Variants in ABHD12 observed in about 807,000 individuals in gnomAD.
ABHD12 encodes the protein lysophosphatidylserine lipase ABHD12.
In ABHD12, 43 loss-of-function variants were observed where a neutral mutation model predicts 58.3. The observed-to-expected ratio is 0.74, with a 90% CI of 0.58 to 0.95. ABHD12 has a LOEUF of 0.95. ABHD12 is among the 40% of genes least tolerant of loss of function. The pLI is 0.00. For missense variants in ABHD12, 539 were observed against 537.2 expected (o/e 1.00, Z -0.03); for synonymous variants, 219 against 211.2 (o/e 1.04, Z -0.32).
rs556423282 is a variant in ABHD12 at position 25,374,646 on chromosome 20, A to C, written c.191+15867T>G. On this transcript the variant is annotated intron_variant, in intron 1 of 12. Transcript: ENST00000339157. ...GTAGCTGGGATTACAGGCATGTGCCACCACACCCGGCTAATTTTGTAATTT... is the reference window on the plus strand; with the variant it reads ...GTAGCTGGGATTACAGGCATGTGCCCCCACACCCGGCTAATTTTGTAATTT... 1.1e-4 allele frequency among the ~76,000 whole-genome samples: 16 copies of C among 152,280 alleles called. No homozygotes were observed. The South Asian group carries it at 3.3e-3, about 32-fold the overall frequency.
intron 2 of ABHD12, among the ~76,000 whole-genome samples, chr20:25,330,889 C>A (rs1326102152): frequency 1.3e-5 from 2 of 152,208 alleles, no homozygotes; most frequent in African/African-American, 4.8e-5. Flanking sequence ...AAACTGGAAA[C>A]TCTATAAAGC....
intron 1 of ABHD12, among the ~76,000 whole-genome samples, chr20:25,360,428 A>G (rs1241280907): frequency 6.6e-6 from 1 of 151,438 alleles, no homozygotes; most frequent in Non-Finnish European, 1.5e-5. Flanking sequence ...TTTAGTAGAG[A>G]CAGGGTTTCA....
chr20:25,295,646 G>A (rs370255848), downstream of ABHD12: 17 of 1,613,976 alleles, frequency 1.1e-5, no homozygotes, highest in Non-Finnish European at 1.4e-5. Flanking sequence ...TGCAGTGCCA[G>A]GCACAGGTGG....
chr20:25,341,177 A>G (rs1207380579), intron 1 of ABHD12, among the ~76,000 whole-genome samples: 1 of 152,192 alleles, frequency 6.6e-6, no homozygotes, highest in Non-Finnish European at 1.5e-5. Context: ...TGGCGCCCGC[A>G]CTTGTGCTGT....
intron 1 of ABHD12, among the ~76,000 whole-genome samples, chr20:25,375,948 C>G (rs2089957548): frequency 6.6e-6 from 1 of 152,040 alleles, no homozygotes; most frequent in Non-Finnish European, 1.5e-5. Flanking sequence ...CGGTGAAACC[C>G]CGTCTCTACT....
downstream of ABHD12, among the ~76,000 whole-genome samples, chr20:25,299,743 G>T (rs1170387950): frequency 6.6e-6 from 1 of 152,194 alleles, no homozygotes; most frequent in Non-Finnish European, 1.5e-5. Flanking sequence ...CCCAACCCTG[G>T]GGCAGGTGGT....
At chr20:25,389,611 TC>T (rs1461388601) in intron 1 of ABHD12, among the ~76,000 whole-genome samples, 1 of 152,122 alleles carries the variant, frequency 6.6e-6, no homozygotes. Flanking sequence ...GAGAAATCTG[TC>T]CCTATGAAAC....
At chr20:25,375,811 C>A (rs1406739032) in intron 1 of ABHD12, among the ~76,000 whole-genome samples, 1 of 152,028 alleles carries the variant, frequency 6.6e-6, no homozygotes, top group Non-Finnish European at 1.5e-5. Context: ...AGTGGAAGTT[C>A]TATGTTTCTT....
At chr20:25,317,220 C>T (rs1234802635) in intron 4 of ABHD12, 142 bp from the exon 5 acceptor site, 2 of 691,216 alleles carry the variant, frequency 2.9e-6, no homozygotes, top group Non-Finnish European at 5.3e-6. Flanking sequence ...AGTAGCCCCA[C>T]ACTCGCCTCT....
chr20:25,338,624 A>G (rs897387796), intron 2 of ABHD12, among the ~76,000 whole-genome samples: 1 of 152,166 alleles, frequency 6.6e-6, no homozygotes, highest in African/African-American at 2.4e-5. Context: ...GTCCAAGTTC[A>G]CTCAAGGAGA....
chr20:25,319,999 T>C (rs2089036400), intron 4 of ABHD12, among the ~76,000 whole-genome samples, 200 bp downstream of exon 4: 1 of 152,222 alleles, frequency 6.6e-6, no homozygotes, highest in Non-Finnish European at 1.5e-5. Context: ...TCACCTAAAC[T>C]CCGCCTTCCC....
At chr20:25,325,075 A>G (rs1176289976) in intron 2 of ABHD12, among the ~76,000 whole-genome samples, 1 of 151,956 alleles carries the variant, frequency 6.6e-6, no homozygotes, top group Non-Finnish European at 1.5e-5. Context: ...GTAAGGTGAC[A>G]TGCACCTGTG....
downstream of ABHD12, chr20:25,295,613 G>T (rs1436496815): frequency 6.2e-7 from 1 of 1,613,966 alleles, no homozygotes; most frequent in Non-Finnish European, 8.5e-7. Context: ...GGTTCAAGGT[G>T]TTTGCAGACT....
At chr20:25,375,221 G>C (rs2089947898) in intron 1 of ABHD12, among the ~76,000 whole-genome samples, 3 of 152,158 alleles carry the variant, frequency 2.0e-5, no homozygotes, top group African/African-American at 7.2e-5. Flanking sequence ...CTGGCCTCTG[G>C]AATCGAGAGA....
At chr20:25,322,899 T>A (rs944350863) in intron 3 of ABHD12, among the ~76,000 whole-genome samples, 3 of 151,890 alleles carry the variant, frequency 2.0e-5, no homozygotes, top group Non-Finnish European at 4.4e-5. Flanking sequence ...ATTTTTGTAT[T>A]TTTAGTAGAG....
chr20:25,368,076 T>C (rs6076339), intron 1 of ABHD12, among the ~76,000 whole-genome samples: 85,593 of 152,076 alleles, frequency 0.56, 24,764 homozygotes, highest in Admixed American at 0.62. Context: ...TTTGTTATTT[T>C]GTTTTTATTC....
chr20:25,334,102 C>A (rs2146018519), intron 2 of ABHD12, among the ~76,000 whole-genome samples: 2 of 151,834 alleles, frequency 1.3e-5, no homozygotes, highest in South Asian at 4.2e-4. Context: ...TAAGCAACTT[C>A]AGCAAAGTCT....
At chr20:25,303,751 TTTC>T in intron 10 of ABHD12, 123 bp from the exon 11 acceptor site, 1 of 1,390,492 alleles carries the variant, frequency 7.2e-7, no homozygotes, top group Admixed American at 2.0e-5. Context: ...TTCTGCTGGA[TTTC>T]TTTTTACTAG....
intron 1 of ABHD12, among the ~76,000 whole-genome samples, chr20:25,385,331 CAAAAAAA>C (rs11477490): frequency 1.4e-4 from 7 of 51,720 alleles, no homozygotes; most frequent in Admixed American, 5.8e-4. Context: ...GAGTGAGACT[CAAAAAAA>C]AAAAAAAAAA....
Sources: gnomAD v4.1 joint callset for allele counts (sites outside exome capture counted in the v4.1 genomes callset) on GRCh38, gnomAD v4.1.1 for gene constraint, MANE v1.5 for transcripts, NCBI Gene and HGNC (gene_info 2026-07-23, HGNC 2026-07-21) for gene names.